The following RGS6 variants were observed in gnomAD, a reference collection of about 807,000 sequenced individuals.
RGS6 encodes the protein regulator of G-protein signaling 6.
A neutral mutation model predicts 78.5 loss-of-function variants in RGS6; 30 were observed. That is an observed-to-expected ratio of 0.38 (90% confidence interval 0.29 to 0.52). RGS6 has a LOEUF of 0.52. Among genes scored for constraint, RGS6 ranks in the 20% least tolerant of loss-of-function variants. RGS6 has a pLI of 0.85. For synonymous variants in RGS6, 206 were observed against 206.0 expected (o/e 1.00, Z 0.00); for missense variants, 495 against 609.7 (o/e 0.81, Z 1.98).
chr14:72,405,286 A>G (rs1171876069), intron 3 of RGS6, among the ~76,000 whole-genome samples: 1 of 152,158 alleles, frequency 6.6e-6, no homozygotes, highest in African/African-American at 2.4e-5. Context: ...GAAAAGAGAG[A>G]GGAGAGGACC....
chr14:71,966,032 TAA>T (rs1298199339), intron 2 of RGS6, among the ~76,000 whole-genome samples: 4 of 152,250 alleles, frequency 2.6e-5, no homozygotes, highest in African/African-American at 9.6e-5. Context: ...AAATGGCACA[TAA>T]GTTTATTTTA....
intron 16 of RGS6, among the ~76,000 whole-genome samples, chr14:72,539,353 T>C (rs992796254): frequency 2.6e-5 from 4 of 152,150 alleles, no homozygotes; most frequent in Non-Finnish European, 4.4e-5. Flanking sequence ...ACAATCCCCA[T>C]GTTATTGTCT....
intron 2 of RGS6, among the ~76,000 whole-genome samples, chr14:72,003,213 A>G (rs1555427088): frequency 1.3e-5 from 2 of 152,132 alleles, no homozygotes; most frequent in Non-Finnish European, 1.5e-5. Flanking sequence ...CCAGGTACTC[A>G]CACTGCAGTG....
At position 72,449,290 on chromosome 14, in the gene RGS6, AC is replaced by A. The variant is rs1166567666; in HGVS notation, c.185-5237del. Among the ~76,000 whole-genome samples the A allele has an allele frequency of 3.3e-5, 5 of 152,374 alleles. No individual in the cohort carries two copies. The East Asian group carries it at 9.6e-4, about 29-fold the overall frequency. On this transcript the variant is annotated intron_variant, in intron 3 of 17. Transcript: ENST00000553525. ...TTTATGAATTGCTTCATTTATCAGT[AC>A]TATGATGTACTGTATAATCCACCAG...
At chr14:72,300,372 A>T (rs1166846558) in intron 2 of RGS6, among the ~76,000 whole-genome samples, 2 of 152,040 alleles carry the variant, frequency 1.3e-5, no homozygotes, top group Non-Finnish European at 2.9e-5. Context: ...AGTTAGGTAG[A>T]CTCCACTGCT....
At chr14:72,287,582 A>C (rs1304125406) in intron 2 of RGS6, among the ~76,000 whole-genome samples, 1 of 152,010 alleles carries the variant, frequency 6.6e-6, no homozygotes, top group Non-Finnish European at 1.5e-5. Flanking sequence ...TCAGCCTCCC[A>C]AGTAGCTGGG....
intron 3 of RGS6, among the ~76,000 whole-genome samples, chr14:72,391,841 A>G (rs779131481): frequency 2.0e-5 from 3 of 152,150 alleles, no homozygotes; most frequent in Non-Finnish European, 4.4e-5. Context: ...GAGTGAGAAC[A>G]TGCGGTGTTT....
intron 12 of RGS6, among the ~76,000 whole-genome samples, chr14:72,483,462 C>T (rs2096422927): frequency 6.6e-6 from 1 of 152,124 alleles, no homozygotes; most frequent in African/African-American, 2.4e-5. Context: ...GCTGGTTCTT[C>T]CTCCACCTCC....
rs148491854 is a variant in RGS6 at position 72,245,937 on chromosome 14, T to C, written c.85-106158T>C. 4.6e-5 allele frequency among the ~76,000 whole-genome samples: 7 copies of C among 152,292 alleles called. No individual in the cohort carries two copies. The East Asian group carries it at 1.3e-3, about 29-fold the overall frequency. The stretch of plus-strand genomic sequence containing the variant: ...GTCTTTGGAGAGAAAGATGTTATTT[T>C]CCTCCAGGCATAGGGAGGGTACCTT... On this transcript the variant is annotated intron_variant, in intron 2 of 17. Coordinates refer to ENST00000553525, the MANE Select transcript of RGS6 (RefSeq NM_001204424.2).
intron 15 of RGS6, among the ~76,000 whole-genome samples, chr14:72,531,698 A>G (rs1287408437): frequency 6.6e-6 from 1 of 152,144 alleles, no homozygotes; most frequent in Non-Finnish European, 1.5e-5. Context: ...AGTTGTATGT[A>G]TTTATGGTAT....
At chr14:72,547,855 G>A (rs2097431698) in intron 17 of RGS6, among the ~76,000 whole-genome samples, 1 of 152,140 alleles carries the variant, frequency 6.6e-6, no homozygotes, top group Non-Finnish European at 1.5e-5. Context: ...TGTAATATTT[G>A]GCAGATTCTC....
Position 72,562,956 on chromosome 14 carries a change from C to T in RGS6, c.*489C>T. On this transcript the variant is annotated 3_prime_UTR_variant, in exon 18 of 18. Coordinates refer to ENST00000553525, the MANE Select transcript of RGS6 (RefSeq NM_001204424.2). ...AGTTACAGCCACTACATCCCCACCG[C>T]CGCCTGTCATCCCTCACGTCTCTGT... is the stretch of plus-strand genomic sequence containing the variant. 1.6e-6 allele frequency: 1 copy of T among 618,764 alleles called. No individual in the cohort carries two copies. The highest frequency in any genetic ancestry group is 1.8e-5 in the African/African-American group (1 of 54,868). 38.3% of individuals were successfully genotyped at this position (618,764 alleles called of 1,614,324 possible). A position where few individuals can be genotyped will look rare whatever the true frequency, so the allele number is the denominator to read the frequency against.
intron 13 of RGS6, among the ~76,000 whole-genome samples, chr14:72,496,592 T>C (rs1319397823): frequency 6.6e-6 from 1 of 152,236 alleles, no homozygotes. Context: ...TTTCAATTTA[T>C]GTGTCTTTCA....
intron 17 of RGS6, chr14:72,547,509 G>A: frequency 1.6e-6 from 1 of 635,516 alleles, no homozygotes; most frequent in South Asian, 1.8e-5. Context: ...TTGGAAGGAG[G>A]CCAGGATACC....
At chr14:72,348,499 T>A (rs533476708) in intron 2 of RGS6, among the ~76,000 whole-genome samples, 1 of 152,370 alleles carries the variant, frequency 6.6e-6, no homozygotes, top group Admixed American at 6.5e-5. Context: ...TCATTGGGTC[T>A]GTACTCTTGG....
intron 2 of RGS6, among the ~76,000 whole-genome samples, chr14:72,333,843 AT>A (rs1455325296): frequency 6.6e-6 from 1 of 152,154 alleles, no homozygotes; most frequent in Non-Finnish European, 1.5e-5. Context: ...GCTGAGGTTT[AT>A]TTCCAGCACT....
At chr14:72,351,542 C>T (rs941776953) in intron 2 of RGS6, among the ~76,000 whole-genome samples, 1 of 152,156 alleles carries the variant, frequency 6.6e-6, no homozygotes, top group Non-Finnish European at 1.5e-5. Context: ...GACCTGTTTT[C>T]CAACTTCTTC....
intron 2 of RGS6, among the ~76,000 whole-genome samples, chr14:72,087,868 T>G (rs2095112040): frequency 6.6e-6 from 1 of 152,136 alleles, no homozygotes; most frequent in Non-Finnish European, 1.5e-5. Flanking sequence ...GGAAATAAAT[T>G]GCATGGATGA....
chr14:72,518,112 G>A (rs183945274), intron 14 of RGS6, among the ~76,000 whole-genome samples: 4 of 152,284 alleles, frequency 2.6e-5, no homozygotes, highest in African/African-American at 9.6e-5. Flanking sequence ...GAGAAATCCC[G>A]TTCTGATAAC....
Sources: allele counts gnomAD v4.1 joint callset (sites outside exome capture counted in the v4.1 genomes callset), GRCh38; gene constraint gnomAD v4.1.1; transcripts MANE v1.5; gene names NCBI Gene and HGNC (gene_info 2026-07-23, HGNC 2026-07-21).